Variants in NXPE4 observed in about 807,000 individuals in gnomAD.
NXPE4 encodes the protein neurexophilin and PC-esterase domain family member 4.
NXPE4 carries 42 observed loss-of-function variants against 33.3 expected under a neutral mutation model. The observed-to-expected ratio is 1.26, with a 90% confidence interval of 0.98 to 1.63. NXPE4 has a LOEUF of 1.63. Ranked by LOEUF, NXPE4 falls within the 40% of genes most tolerant of loss-of-function variation. The pLI, the probability that NXPE4 is intolerant of heterozygous loss-of-function variation, is 0.00. For synonymous variants in NXPE4, 253 were observed against 234.9 expected, an observed-to-expected ratio of 1.08 and a Z score of -0.71; for missense variants, 709 against 647.6, an observed-to-expected ratio of 1.09 and a Z score of -1.03.
the NXPE4 span, among the ~76,000 whole-genome samples, chr11:114,600,881 A>G: frequency 6.6e-6 from 1 of 152,068 alleles, no homozygotes; most frequent in African/African-American, 2.4e-5. Flanking sequence ...AAATGTATTA[A>G]AAGTAAAAAG....
chr11:114,666,580 G>C, the NXPE4 span, among the ~76,000 whole-genome samples: 1 of 152,102 alleles, frequency 6.6e-6, no homozygotes, highest in Non-Finnish European at 1.5e-5. Flanking sequence ...TGATAGTTAA[G>C]AGACCTGTTC....
the NXPE4 span, among the ~76,000 whole-genome samples, chr11:114,623,952 C>T: frequency 6.6e-6 from 1 of 152,048 alleles, no homozygotes; most frequent in African/African-American, 2.4e-5. Flanking sequence ...GGGGTAACCA[C>T]TGTTATCCAG....
At chr11:114,632,092 A>C in the NXPE4 span, among the ~76,000 whole-genome samples, 1 of 145,208 alleles carries the variant, frequency 6.9e-6, no homozygotes, top group African/African-American at 2.5e-5. Context: ...ATTATATTGT[A>C]AATATAATGT....
the NXPE4 span, among the ~76,000 whole-genome samples, chr11:114,609,204 C>T: frequency 6.6e-6 from 1 of 151,722 alleles, no homozygotes; most frequent in South Asian, 2.1e-4. Context: ...CCACCATTAC[C>T]CACCAGATAC....
chr11:114,582,626 C>G lies in NXPE4; in HGVS notation c.492G>C (p.Leu164=), dbSNP rs2135233792. 6.2e-7 allele frequency: 1 copy of G among 1,614,168 alleles called. No individual in the cohort carries two copies. Among genetic ancestry groups the G allele is most frequent in the East Asian group, 2.2e-5 (1 of 44,872 alleles). The change falls in exon 3 of 6, where the codon CTG becomes CTC. Residue 164 remains leucine (L), a synonymous_variant. Transcript: ENST00000375478. ...KVTDFNNGTY[L]VSFTLFWEGQ... ...CCTCCCAGAACAGAGTGAAGCTGAC[C>G]AGGTAGGTGCCGTTGTTGAAGTCAG...
the NXPE4 span, among the ~76,000 whole-genome samples, chr11:114,674,090 AAAACAAACAAAC>A: frequency 0.12 from 15,306 of 131,824 alleles, 1,013 homozygotes; most frequent in African/African-American, 0.2. Flanking sequence ...ACATTGTTTA[AAAACAAACAAAC>A]AAACAAACAA....
At chr11:114,608,144 G>C in the NXPE4 span, among the ~76,000 whole-genome samples, 4 of 151,762 alleles carry the variant, frequency 2.6e-5, no homozygotes, top group Non-Finnish European at 5.9e-5. Context: ...TGCCTCATGG[G>C]TAACCAGAGT....
At chr11:114,648,507 T>C in the NXPE4 span, among the ~76,000 whole-genome samples, 3 of 152,194 alleles carry the variant, frequency 2.0e-5, no homozygotes, top group South Asian at 6.2e-4. Context: ...GTCAGTCTAC[T>C]AATTTAAACG....
At chr11:114,656,453 G>A in the NXPE4 span, among the ~76,000 whole-genome samples, 1 of 152,086 alleles carries the variant, frequency 6.6e-6, no homozygotes, top group Admixed American at 6.6e-5. Context: ...TGGAATCAAA[G>A]AAGACCCTCT....
chr11:114,652,678 T>A, the NXPE4 span, among the ~76,000 whole-genome samples: 2 of 152,182 alleles, frequency 1.3e-5, no homozygotes, highest in Non-Finnish European at 2.9e-5. Flanking sequence ...AAGAGGTAAT[T>A]GAAGCAAAGA....
the NXPE4 span, among the ~76,000 whole-genome samples, chr11:114,633,697 G>A: frequency 6.7e-6 from 1 of 149,050 alleles, no homozygotes; most frequent in African/African-American, 2.5e-5. Context: ...TCCCACCTAT[G>A]AGTGAGAACA....
the NXPE4 span, among the ~76,000 whole-genome samples, chr11:114,614,041 T>C: frequency 6.6e-6 from 1 of 151,862 alleles, no homozygotes; most frequent in Non-Finnish European, 1.5e-5. Flanking sequence ...TAACCACTGT[T>C]ACCCGGTGAA....
At chr11:114,623,045 T>C in the NXPE4 span, among the ~76,000 whole-genome samples, 1 of 152,122 alleles carries the variant, frequency 6.6e-6, no homozygotes, top group African/African-American at 2.4e-5. Flanking sequence ...ACCCGGTGGA[T>C]AATAAGTGTT....
chr11:114,615,313 T>C, the NXPE4 span, among the ~76,000 whole-genome samples: 2 of 151,932 alleles, frequency 1.3e-5, no homozygotes, highest in Non-Finnish European at 2.9e-5. Context: ...TATTGCCTTG[T>C]GGGTAACCAC....
chr11:114,629,298 A>G, the NXPE4 span, among the ~76,000 whole-genome samples: 1 of 152,128 alleles, frequency 6.6e-6, no homozygotes, highest in Non-Finnish European at 1.5e-5. Flanking sequence ...GGAATCCAGC[A>G]GCACATCAAA....
At chr11:114,601,907 T>G in the NXPE4 span, among the ~76,000 whole-genome samples, 15 of 38,320 alleles carry the variant, frequency 3.9e-4, no homozygotes, top group South Asian at 2.9e-3. Flanking sequence ...TTATATATAT[T>G]ATATAATTAT....
chr11:114,585,594 C>CGT (rs113059599), intron 2 of NXPE4, among the ~76,000 whole-genome samples: 204 of 150,880 alleles, frequency 1.4e-3, no homozygotes, highest in African/African-American at 4.0e-3. Context: ...AATATATGTA[C>CGT]GTGTGTGTGT....
At chr11:114,610,137 T>G in the NXPE4 span, among the ~76,000 whole-genome samples, 3 of 151,756 alleles carry the variant, frequency 2.0e-5, no homozygotes, top group African/African-American at 7.3e-5. Flanking sequence ...CCGTGGATAA[T>G]AAGTATTGCC....
chr11:114,607,653 C>T, the NXPE4 span, among the ~76,000 whole-genome samples: 1 of 150,058 alleles, frequency 6.7e-6, no homozygotes, highest in African/African-American at 2.5e-5. Context: ...GTTAACCACT[C>T]TTACACAGTG....
Sources: gnomAD v4.1 joint callset for allele counts (sites outside exome capture counted in the v4.1 genomes callset) on GRCh38, gnomAD v4.1.1 for gene constraint, MANE v1.5 for transcripts, NCBI Gene and HGNC (gene_info 2026-07-23, HGNC 2026-07-21) for gene names.